The following CD33 variants were observed in gnomAD, a reference collection of about 807,000 sequenced individuals.
The protein encoded by CD33 is CD33 molecule.
CD33 carries 25 observed loss-of-function variants against 31.4 expected under a neutral mutation model. The ratio of observed to expected loss-of-function variants is 0.80; its 90% confidence interval spans 0.58 to 1.11. The LOEUF (loss-of-function observed/expected upper bound fraction) is 1.11. CD33 is among the 50% of genes most tolerant of loss of function. The probability of loss-of-function intolerance (pLI) is 0.00; values close to 1 mark genes in which losing one functional copy is unlikely to be tolerated. For synonymous variants in CD33, 176 were observed against 180.6 expected, an observed-to-expected ratio of 0.97 and a Z score of 0.20; for missense variants, 407 against 448.1, an observed-to-expected ratio of 0.91 and a Z score of 0.83.
the CD33 span, chr19:51,211,302 C>T: frequency 6.4e-7 from 1 of 1,563,430 alleles, no homozygotes; most frequent in South Asian, 1.1e-5. Flanking sequence ...GCACTTTCTC[C>T]CATCCCATAC....
chr19:51,222,393 G>T (rs1052625442), upstream of CD33, among the ~76,000 whole-genome samples: 1 of 152,164 alleles, frequency 6.6e-6, no homozygotes, highest in African/African-American at 2.4e-5. Context: ...TTATCTTCCT[G>T]TGTATACCAA....
chr19:51,235,975 G>A (rs1225374951), intron 6 of CD33: 24 of 657,768 alleles, frequency 3.6e-5, no homozygotes, highest in South Asian at 3.2e-5. Flanking sequence ...TGGCTAACAT[G>A]GTGAAACCCC....
At chr19:51,212,043 G>A in the CD33 span, 1 of 874,400 alleles carries the variant, frequency 1.1e-6, no homozygotes. Flanking sequence ...TGTGACCACG[G>A]AGAGAACCAT....
intron 6 of CD33, chr19:51,236,126 C>T: frequency 2.4e-6 from 1 of 422,928 alleles, no homozygotes; most frequent in Non-Finnish European, 4.4e-6. Context: ...CCACTGCACT[C>T]CAGCCTGGGT....
At chr19:51,228,367 G>A (rs900975104) in intron 4 of CD33, among the ~76,000 whole-genome samples, 5 of 152,072 alleles carry the variant, frequency 3.3e-5, no homozygotes, top group Non-Finnish European at 5.9e-5. Flanking sequence ...AATCATTTTA[G>A]CAATATTAAT....
chr19:51,239,745 G>A lies in CD33; in HGVS notation c.*57G>A. 2.8e-6 allele frequency: 4 copies of A among 1,450,582 alleles called. No individual in the cohort carries two copies. Among genetic ancestry groups the A allele is most frequent in the Non-Finnish European group, 3.7e-6 (4 of 1,070,016 alleles). 89.9% of individuals were successfully genotyped at this position (1,450,582 alleles called of 1,614,324 possible). ...AGATCCACATCCTCTACAGGTCGGG[G>A]ACCAAAGGCTGATTCTTGGAGATTT... On this transcript the variant is annotated 3_prime_UTR_variant, in exon 7 of 7. Coordinates refer to ENST00000262262, the MANE Select transcript of CD33 (RefSeq NM_001772.4).
upstream of CD33, among the ~76,000 whole-genome samples, chr19:51,223,624 C>G (rs1980793775): frequency 6.6e-6 from 1 of 152,100 alleles, no homozygotes; most frequent in Non-Finnish European, 1.5e-5. Context: ...ATATGATGAG[C>G]CTCTAAAAAA....
chr19:51,223,726 G>A (rs1413084171), upstream of CD33, among the ~76,000 whole-genome samples: 2 of 152,148 alleles, frequency 1.3e-5, no homozygotes, highest in Non-Finnish European at 2.9e-5. Context: ...TCTCCCTTTT[G>A]TTTCACAGGA....
the CD33 span, among the ~76,000 whole-genome samples, chr19:51,213,660 G>A: frequency 4.2e-3 from 591 of 141,560 alleles, 4 homozygotes; most frequent in South Asian, 0.022. Context: ...CCTCAGCCTC[G>A]CAAGTAGCTG....
intron 6 of CD33, chr19:51,238,922 C>A (rs1568437963): frequency 6.6e-6 from 1 of 152,384 alleles, no homozygotes; most frequent in South Asian, 2.1e-4. Context: ...CTTGAACTAA[C>A]TGCATTCCCA....
the CD33 span, among the ~76,000 whole-genome samples, chr19:51,215,861 C>T: frequency 2.0e-5 from 3 of 152,192 alleles, no homozygotes; most frequent in Non-Finnish European, 4.4e-5. Flanking sequence ...CCTCCCTGGT[C>T]ACTGAACCAT....
rs188354485 is a variant in CD33, at chr19:51,236,466, A to G, written c.924+790A>G. 1.7e-3 allele frequency: 268 copies of G among 154,418 alleles called. 1 individual carries two copies. The highest frequency in any genetic ancestry group is 6.8e-3 in the Middle Eastern group (2 of 294). 9.6% of individuals were successfully genotyped at this position (154,418 alleles called of 1,614,324 possible). A position where few individuals can be genotyped will look rare whatever the true frequency, so the allele number is the denominator to read the frequency against. On this transcript the variant is annotated intron_variant, in intron 6 of 6. Coordinates refer to ENST00000262262, the MANE Select transcript of CD33 (RefSeq NM_001772.4). ...TTGTGGTCTGGAGTGTAAGAGCTCA[A>G]TAAAGGATCCAGCTGGTAGTGTGGG...
chr19:51,236,097 G>T (rs1003300602), intron 6 of CD33: 5 of 467,652 alleles, frequency 1.1e-5, no homozygotes, highest in Non-Finnish European at 7.9e-6. Context: ...GGCAGAGCTT[G>T]TAGTGAGCCG....
In CD33 at chr19:51,225,406, A is replaced by G. The variant is rs759919437; in HGVS notation, c.226A>G (p.Asn76Asp). Reference sequence around the variant, plus strand: ...ATCCAGGGACTCTCCAGTGGCCACAAACAAGCTAGATCAAGAAGTACAGGA... The same window carrying G: ...ATCCAGGGACTCTCCAGTGGCCACAGACAAGCTAGATCAAGAAGTACAGGA... ...IISRDSPVATNKLDQEVQEET... is the reference protein window; with the variant it reads ...IISRDSPVATDKLDQEVQEET... Residue 76 changes from asparagine (N) to aspartate (D), a missense_variant, in exon 2 of 7, where the codon AAC becomes GAC. By Grantham distance (23) the Asn-to-Asp change is conservative (BLOSUM62 1). Coordinates refer to ENST00000262262, the MANE Select transcript of CD33 (RefSeq NM_001772.4). The G allele has an allele frequency of 1.9e-6, 3 of 1,614,052 alleles. No homozygotes were observed. Among genetic ancestry groups the G allele is most frequent in the East Asian group, 2.2e-5 (1 of 44,890 alleles).
chr19:51,213,724 T>C, the CD33 span, among the ~76,000 whole-genome samples: 2 of 150,718 alleles, frequency 1.3e-5, no homozygotes, highest in Admixed American at 1.3e-4. Context: ...TCAGTAGAGA[T>C]AGGGTTTCCC....
At chr19:51,236,513 C>T (rs1461959043) in intron 6 of CD33, 1 of 152,942 alleles carries the variant, frequency 6.5e-6, no homozygotes, top group Non-Finnish European at 1.5e-5. Flanking sequence ...CTGGTTTGCA[C>T]ATGAAAGGTG....
the CD33 span, among the ~76,000 whole-genome samples, chr19:51,213,646 C>T: frequency 1.3e-5 from 2 of 151,992 alleles, no homozygotes; most frequent in African/African-American, 2.4e-5. Context: ...AAGCAATTCT[C>T]GTGCCTCAGC....
the CD33 span, among the ~76,000 whole-genome samples, chr19:51,218,017 T>C: frequency 6.6e-6 from 1 of 152,216 alleles, no homozygotes; most frequent in African/African-American, 2.4e-5. Flanking sequence ...AGGTATGTTT[T>C]TGATATAATA....
the CD33 span, among the ~76,000 whole-genome samples, chr19:51,219,654 T>C: frequency 6.6e-6 from 1 of 152,220 alleles, no homozygotes; most frequent in African/African-American, 2.4e-5. Context: ...TGATGTTGGC[T>C]GTGGGTTTGT....
Sources: allele counts gnomAD v4.1 joint callset (sites outside exome capture counted in the v4.1 genomes callset), GRCh38; gene constraint gnomAD v4.1.1; transcripts MANE v1.5; gene names NCBI Gene and HGNC (gene_info 2026-07-23, HGNC 2026-07-21).